Variants in SLC24A2 observed in about 807,000 individuals in gnomAD.
The protein encoded by SLC24A2 is sodium/potassium/calcium exchanger 2.
Under a neutral mutation model 62.0 loss-of-function variants are expected in SLC24A2, and 36 were observed. The ratio of observed to expected loss-of-function variants is 0.58; its 90% CI spans 0.44 to 0.77. The LOEUF (loss-of-function observed/expected upper bound fraction) is 0.77. Among genes scored for constraint, SLC24A2 ranks in the 30% least tolerant of loss-of-function variants. The pLI is 0.00. For synonymous variants in SLC24A2, 358 were observed against 294.0 expected (o/e 1.22, Z -2.23); for missense variants, 846 against 817.9 (o/e 1.03, Z -0.42).
chr9:20,055,927 C>G, the SLC24A2 span, among the ~76,000 whole-genome samples: 2 of 151,822 alleles, frequency 1.3e-5, no homozygotes, highest in Non-Finnish European at 2.9e-5. Context: ...AATAGACATA[C>G]CAGCTCCAAA....
At chr9:19,679,817 C>T (rs74305661) in intron 2 of SLC24A2, among the ~76,000 whole-genome samples, 3,469 of 150,998 alleles carry the variant, frequency 0.023, 78 homozygotes, top group East Asian at 0.091. Context: ...CTAATTCCCA[C>T]AACAAATCTC....
intron 2 of SLC24A2, among the ~76,000 whole-genome samples, chr9:19,720,029 G>T (rs145453021): frequency 1.3e-5 from 2 of 152,134 alleles, no homozygotes; most frequent in African/African-American, 4.8e-5. Flanking sequence ...TACAGAGGCT[G>T]GGAAGTGACA....
chr9:20,080,576 T>G, the SLC24A2 span, among the ~76,000 whole-genome samples: 3 of 152,138 alleles, frequency 2.0e-5, no homozygotes, highest in African/African-American at 4.8e-5. Context: ...GGCAAGGACT[T>G]CTTGTCTAAA....
the SLC24A2 span, among the ~76,000 whole-genome samples, chr9:20,008,344 T>C: frequency 1.9e-4 from 29 of 152,258 alleles, no homozygotes; most frequent in African/African-American, 5.3e-4. Context: ...GAGGTGTCTT[T>C]GGACTCACTC....
intron 2 of SLC24A2, among the ~76,000 whole-genome samples, chr9:19,650,062 C>T (rs1283791332): frequency 6.6e-6 from 1 of 152,122 alleles, no homozygotes; most frequent in African/African-American, 2.4e-5. Context: ...CCTTGATCCT[C>T]ATAGGGAAAA....
intron 4 of SLC24A2, among the ~76,000 whole-genome samples, chr9:19,618,652 C>T (rs967137643): frequency 6.6e-6 from 1 of 152,050 alleles, no homozygotes; most frequent in African/African-American, 2.4e-5. Flanking sequence ...TTTAGCAAAG[C>T]CTTATATTGG....
At chr9:19,760,937 T>A (rs922996360) in intron 2 of SLC24A2, among the ~76,000 whole-genome samples, 31 of 151,252 alleles carry the variant, frequency 2.0e-4, no homozygotes, top group Non-Finnish European at 4.3e-4. Context: ...GGTGGAGGGT[T>A]AGCATTAGGA....
intron 2 of SLC24A2, among the ~76,000 whole-genome samples, chr9:19,765,194 G>T (rs993735521): frequency 2.0e-5 from 3 of 151,646 alleles, no homozygotes; most frequent in African/African-American, 7.3e-5. Flanking sequence ...GTATGTATTT[G>T]CACATTAGAT....
chr9:19,867,692 G>A, the SLC24A2 span, among the ~76,000 whole-genome samples: 5 of 152,106 alleles, frequency 3.3e-5, no homozygotes, highest in African/African-American at 7.2e-5. Context: ...GGCAGATAAC[G>A]AGGTCAAAAG....
At position 19,515,813 on chromosome 9, in the gene SLC24A2, T is replaced by G; in HGVS notation, c.*340A>C. On this transcript the variant is annotated 3_prime_UTR_variant, in exon 11 of 11. Coordinates refer to ENST00000341998, the MANE Select transcript of SLC24A2 (RefSeq NM_020344.4). Reference sequence around the variant, plus strand: ...GATTTGTGTGTTCATGTGCGTATATTTATAATATGTGTATTTATAGATATA... The same window carrying G: ...GATTTGTGTGTTCATGTGCGTATATGTATAATATGTGTATTTATAGATATA... 2.9e-6 allele frequency: 1 copy of G among 340,360 alleles called. No homozygotes were observed. Among genetic ancestry groups the G allele is most frequent in the Non-Finnish European group, 5.7e-6 (1 of 174,148 alleles). The allele number at this position is 340,360 out of a possible 1,614,324, so 21.1% of individuals were successfully genotyped here.
the SLC24A2 span, among the ~76,000 whole-genome samples, chr9:19,864,368 G>GAA: frequency 6.8e-6 from 1 of 147,606 alleles, no homozygotes; most frequent in Non-Finnish European, 1.5e-5. Flanking sequence ...CAAAGAACCA[G>GAA]AAAAAAAAAC....
the SLC24A2 span, among the ~76,000 whole-genome samples, chr9:19,865,545 A>G: frequency 6.6e-6 from 1 of 152,188 alleles, no homozygotes; most frequent in South Asian, 2.1e-4. Flanking sequence ...AAACAAATCT[A>G]CATACCTACA....
At chr9:19,948,258 C>G in the SLC24A2 span, among the ~76,000 whole-genome samples, 1 of 152,130 alleles carries the variant, frequency 6.6e-6, no homozygotes, top group Non-Finnish European at 1.5e-5. Context: ...TTGCCTAATC[C>G]AAATGTCTCT....
chr9:19,757,989 G>A (rs1436869010), intron 2 of SLC24A2, among the ~76,000 whole-genome samples: 2 of 152,070 alleles, frequency 1.3e-5, no homozygotes, highest in African/African-American at 4.8e-5. Context: ...AACCCTGTAT[G>A]AAAGCCCTCC....
chr9:20,282,151 G>A, the SLC24A2 span, among the ~76,000 whole-genome samples: 1 of 152,072 alleles, frequency 6.6e-6, no homozygotes, highest in Admixed American at 6.6e-5. Flanking sequence ...ACTGACAAAA[G>A]GGAAAACAAA....
At chr9:20,125,208 A>G in the SLC24A2 span, among the ~76,000 whole-genome samples, 1 of 152,198 alleles carries the variant, frequency 6.6e-6, no homozygotes, top group East Asian at 1.9e-4. Flanking sequence ...ACTATCTAGG[A>G]GAATAAATAA....
At chr9:19,892,236 A>G in the SLC24A2 span, among the ~76,000 whole-genome samples, 5 of 152,252 alleles carry the variant, frequency 3.3e-5, no homozygotes, top group Admixed American at 1.3e-4. Context: ...TTTCTCAGTT[A>G]CCTTCCCTGA....
At chr9:19,570,676 T>G (rs1262112154) in intron 7 of SLC24A2, among the ~76,000 whole-genome samples, 1 of 152,272 alleles carries the variant, frequency 6.6e-6, no homozygotes, top group Non-Finnish European at 1.5e-5. Flanking sequence ...AAGGGCTTTA[T>G]GTACATTATT....
the SLC24A2 span, among the ~76,000 whole-genome samples, chr9:20,241,874 GCAACA>G: frequency 1.3e-5 from 2 of 152,260 alleles, no homozygotes; most frequent in South Asian, 4.1e-4. Flanking sequence ...AAACATGGCT[GCAACA>G]TCAATCGCCA....
Sources: gnomAD v4.1 joint callset for allele counts (sites outside exome capture counted in the v4.1 genomes callset) on GRCh38, gnomAD v4.1.1 for gene constraint, MANE v1.5 for transcripts, NCBI Gene and HGNC (gene_info 2026-07-23, HGNC 2026-07-21) for gene names.